Variants in MIPEP observed in about 807,000 individuals in gnomAD.
The protein encoded by MIPEP is mitochondrial intermediate peptidase.
In MIPEP, 79 loss-of-function variants were observed where a neutral mutation model predicts 90.3. The ratio of observed to expected loss-of-function variants is 0.87; its 90% CI spans 0.73 to 1.05. MIPEP has a LOEUF of 1.05. Among genes scored for constraint, MIPEP ranks in the 50% least tolerant of loss-of-function variants. The pLI is 0.00. For missense variants in MIPEP, 940 were observed against 905.6 expected (o/e 1.04, Z -0.49); for synonymous variants, 334 against 315.8 (o/e 1.06, Z -0.61).
At chr13:23,747,664 CA>C (rs2138499136) in intron 18 of MIPEP, 1 of 403,790 alleles carries the variant, frequency 2.5e-6, no homozygotes, top group Admixed American at 3.1e-5. Flanking sequence ...GTAAAATATC[CA>C]AAAATATTCA....
intron 5 of MIPEP, among the ~76,000 whole-genome samples, chr13:23,871,167 T>C (rs1464600559): frequency 6.6e-6 from 1 of 152,224 alleles, no homozygotes; most frequent in East Asian, 1.9e-4. Flanking sequence ...CACATGGTCC[T>C]TGCTCCTGCC....
At chr13:23,780,729 C>CCAG (rs1565991771) in intron 16 of MIPEP, among the ~76,000 whole-genome samples, 1 of 152,126 alleles carries the variant, frequency 6.6e-6, no homozygotes, top group African/African-American at 2.4e-5. Context: ...GAATGGCTAA[C>CCAG]TAGAATAACC....
chr13:23,823,858 C>CAATA (rs1389566257), intron 14 of MIPEP, among the ~76,000 whole-genome samples: 1 of 152,086 alleles, frequency 6.6e-6, no homozygotes, highest in Non-Finnish European at 1.5e-5. Flanking sequence ...TTGGCTTGGA[C>CAATA]AATAGATCAT....
At chr13:23,827,010 T>A (rs1868484726) in intron 14 of MIPEP, among the ~76,000 whole-genome samples, 1 of 152,200 alleles carries the variant, frequency 6.6e-6, no homozygotes, top group African/African-American at 2.4e-5. Context: ...TGTTAGGTAT[T>A]ATAAGTAATC....
At chr13:23,740,573 T>A (rs1952316328) in intron 18 of MIPEP, among the ~76,000 whole-genome samples, 1 of 152,236 alleles carries the variant, frequency 6.6e-6, no homozygotes, top group Admixed American at 6.5e-5. Context: ...AACACTGATC[T>A]TTTTGTTTGA....
chr13:23,865,006 A>G (rs1266815978), intron 7 of MIPEP, among the ~76,000 whole-genome samples: 1 of 120,750 alleles, frequency 8.3e-6, no homozygotes, highest in African/African-American at 3.2e-5. Flanking sequence ...TTCAGGATAA[A>G]TATGAAAAAA....
intron 18 of MIPEP, among the ~76,000 whole-genome samples, chr13:23,732,873 T>C (rs1280296311): frequency 6.6e-6 from 1 of 152,216 alleles, no homozygotes; most frequent in Admixed American, 6.5e-5. Context: ...TCAAAATTCA[T>C]TGAAAGGTAC....
chr13:23,733,155 T>A (rs1952223767), intron 18 of MIPEP, among the ~76,000 whole-genome samples: 1 of 152,204 alleles, frequency 6.6e-6, no homozygotes, highest in South Asian at 2.1e-4. Context: ...TGAGAAAAAG[T>A]AAACTGTAGA....
At chr13:23,775,139 G>A (rs1375100144) in intron 16 of MIPEP, among the ~76,000 whole-genome samples, 5 of 151,766 alleles carry the variant, frequency 3.3e-5, no homozygotes, top group East Asian at 1.9e-4. Flanking sequence ...GTGTGTGTGT[G>A]TGTGTGTGTG....
chr13:23,857,028 A>G (rs1566019285), intron 10 of MIPEP, among the ~76,000 whole-genome samples: 1 of 152,028 alleles, frequency 6.6e-6, no homozygotes, highest in Non-Finnish European at 1.5e-5. Flanking sequence ...TTTAATTTAC[A>G]TTACTCTCCA....
intron 17 of MIPEP, 153 bp from the exon 18 acceptor site, chr13:23,756,771 A>C (rs1952494914): frequency 4.7e-6 from 3 of 643,858 alleles, no homozygotes; most frequent in Non-Finnish European, 5.3e-6. Context: ...CTAAAAATCA[A>C]ATTCTGGCTT....
intron 18 of MIPEP, among the ~76,000 whole-genome samples, chr13:23,748,865 C>T (rs533872208): frequency 6.6e-6 from 1 of 152,208 alleles, no homozygotes; most frequent in South Asian, 2.1e-4. Context: ...TCAGGCAGAA[C>T]CTGTCAGGCG....
At chr13:23,833,023 A>T (rs969347338) in intron 14 of MIPEP, among the ~76,000 whole-genome samples, 1 of 152,188 alleles carries the variant, frequency 6.6e-6, no homozygotes, top group African/African-American at 2.4e-5. Flanking sequence ...GTAGGTGTTA[A>T]TAAGTCACTG....
At chr13:23,854,895 A>C (rs1869982393) in intron 10 of MIPEP, among the ~76,000 whole-genome samples, 1 of 80,482 alleles carries the variant, frequency 1.2e-5, no homozygotes, top group African/African-American at 7.0e-5. Flanking sequence ...CTGTCTCAAA[A>C]AAAAAGAAAA....
chr13:23,815,998 G>A (rs1299355327), intron 14 of MIPEP, among the ~76,000 whole-genome samples: 1 of 152,152 alleles, frequency 6.6e-6, no homozygotes, highest in Non-Finnish European at 1.5e-5. Context: ...GTTCAGAATT[G>A]CATAGTTTTG....
At chr13:23,742,512 AAC>A (rs1565978656) in intron 18 of MIPEP, among the ~76,000 whole-genome samples, 1 of 152,252 alleles carries the variant, frequency 6.6e-6, no homozygotes. Flanking sequence ...TACAGCATTT[AAC>A]ACACAGAAAT....
At chr13:23,843,308 G>A (rs765293818) in intron 10 of MIPEP, among the ~76,000 whole-genome samples, 8 of 151,992 alleles carry the variant, frequency 5.3e-5, no homozygotes, top group Non-Finnish European at 7.4e-5. Flanking sequence ...GAATGGGAGC[G>A]GAGTCTGGAA....
chr13:23,782,181 C>A (rs1252052425), intron 16 of MIPEP, among the ~76,000 whole-genome samples: 1 of 152,142 alleles, frequency 6.6e-6, no homozygotes, highest in Non-Finnish European at 1.5e-5. Flanking sequence ...CACACTTATT[C>A]CAAAATTGAC....
intron 10 of MIPEP, among the ~76,000 whole-genome samples, chr13:23,846,835 GAT>G (rs1336408139): frequency 6.6e-6 from 1 of 152,014 alleles, no homozygotes; most frequent in Non-Finnish European, 1.5e-5. Flanking sequence ...AAATGATGAT[GAT>G]GATGATGATG....
Sources: allele counts gnomAD v4.1 joint callset (sites outside exome capture counted in the v4.1 genomes callset), GRCh38; gene constraint gnomAD v4.1.1; transcripts MANE v1.5; gene names NCBI Gene and HGNC (gene_info 2026-07-23, HGNC 2026-07-21).